Variants in ASB10 observed in about 807,000 individuals in gnomAD.
ASB10 encodes the protein ankyrin repeat and SOCS box containing 10.
Under a neutral mutation model 35.4 loss-of-function variants are expected in ASB10, and 44 were observed. That is an observed-to-expected ratio of 1.24 (90% CI 0.98 to 1.60). The LOEUF (loss-of-function observed/expected upper bound fraction) is 1.60. Ranked by LOEUF, ASB10 falls within the 40% of genes most tolerant of loss-of-function variation. The pLI is 0.00. For synonymous variants in ASB10, 294 were observed against 280.4 expected (o/e 1.05, Z -0.49); for missense variants, 647 against 634.3 (o/e 1.02, Z -0.22).
chr7:151,186,459 C>A lies in ASB10; in HGVS notation c.517G>T (p.Asp173Tyr). Reference sequence around the variant, plus strand: ...CCATCCTGGTCAGCGATGTTGGGGTCGGCTCCTGCCACCAGCAGCACATGA... The same window carrying A: ...CCATCCTGGTCAGCGATGTTGGGGTAGGCTCCTGCCACCAGCAGCACATGA... ...CVHVLLVAGA[D>Y]PNIADQDGKR... is the part of the protein sequence containing the mutation. The change falls in exon 2 of 6, where the codon GAC becomes TAC. Residue 173 changes from aspartate to tyrosine, a missense_variant. Coordinates refer to ENST00000420175, the MANE Select transcript of ASB10 (RefSeq NM_001142459.2). 2 of 1,593,074 alleles carry A rather than the reference C, an allele frequency of 1.3e-6. No individual in the cohort carries two copies. Among genetic ancestry groups the A allele is most frequent in the Non-Finnish European group, 1.7e-6 (2 of 1,170,176 alleles).
Position 151,175,982 on chromosome 7 carries a change from TG to T in ASB10, c.*1-17del. 1 of 1,179,644 alleles carries T rather than the reference TG, an allele frequency of 8.5e-7. No homozygotes were observed. 73.1% of individuals were successfully genotyped at this position (1,179,644 alleles called of 1,614,324 possible). On this transcript the variant is annotated splice_polypyrimidine_tract_variant and intron_variant, in intron 5 of 5. Transcript: ENST00000420175. ...CCATGGACATCTGGAAGGAGAGGTT[TG>T]GATTCAGAGGCTTCTGGTGGTTCGG...
chr7:151,187,444 C>G (rs1363770711), upstream of ASB10: 1 of 1,551,104 alleles, frequency 6.4e-7, no homozygotes, highest in African/African-American at 1.4e-5. This position sits in a 1 kb window ranked among gnomAD's most constrained non-coding sequence, Gnocchi z 5.3. Flanking sequence ...CCCCCAGATG[C>G]CCCTCACCCC....
chr7:151,187,322 T>C, upstream of ASB10: 3 of 1,516,960 alleles, frequency 2.0e-6, no homozygotes, highest in Non-Finnish European at 2.7e-6. The surrounding 1 kb of genome is among the most constrained non-coding windows in gnomAD (Gnocchi z 5.3). Context: ...AGGTGTAGGC[T>C]ATTGGGCAAG....
chr7:151,178,664 C>T (rs1445923313), intron 3 of ASB10, among the ~76,000 whole-genome samples: 1 of 152,210 alleles, frequency 6.6e-6, no homozygotes, highest in African/African-American at 2.4e-5. Context: ...AGAGGAGACC[C>T]TTCTGTCTGT....
At chr7:151,184,576 C>T (rs1801552518) in intron 2 of ASB10, among the ~76,000 whole-genome samples, 1 of 152,012 alleles carries the variant, frequency 6.6e-6, no homozygotes, top group Non-Finnish European at 1.5e-5. Flanking sequence ...ATAGTGATTG[C>T]CAGGGGCTTG....
At position 151,177,974 on chromosome 7, in the gene ASB10, G is replaced by A. The variant is rs1003106585; in HGVS notation, c.1105-1298C>T. Among the ~76,000 whole-genome samples, 60 of 152,230 alleles carry A rather than the reference G, an allele frequency of 3.9e-4. 1 individual carries two copies. Among genetic ancestry groups the A allele is most frequent in the African/African-American group, 1.3e-3 (53 of 41,472 alleles). On this transcript the variant is annotated intron_variant, in intron 3 of 5. Coordinates refer to ENST00000420175, the MANE Select transcript of ASB10 (RefSeq NM_001142459.2). Reference sequence around the variant, plus strand: ...AATGAAAAATAAGAAGGAGCCGGGCGTGGCGGCTCATGCCTGTAATCCCAG... The same window carrying A: ...AATGAAAAATAAGAAGGAGCCGGGCATGGCGGCTCATGCCTGTAATCCCAG...
chr7:151,176,327 G>C, intron 4 of ASB10, 30 bp from the exon 5 acceptor site: 1 of 1,524,308 alleles, frequency 6.6e-7, no homozygotes, highest in African/African-American at 1.4e-5. Context: ...CTCAGTGAGA[G>C]GCAGCCTCAG....
chr7:151,181,245 G>A lies in ASB10; in HGVS notation c.798C>T (p.Ala266=), dbSNP rs61743170. The part of the protein sequence containing the change: ...CDVRCQSITD[A]EATTARCLQL... ...GCAGGCAGCGGGCGGTGGTGGCCTC[G>A]GCATCGGTGATGGACTGGCAGCGGA... Residue 266 remains alanine, a synonymous_variant, in exon 3 of 6, where the codon GCC becomes GCT. Coordinates refer to ENST00000420175, the MANE Select transcript of ASB10 (RefSeq NM_001142459.2). 0.055 allele frequency: 88,896 copies of A among 1,613,038 alleles called. 2,979 individuals are homozygous for A. Among genetic ancestry groups the A allele is most frequent in the African/African-American group, 0.15 (11,014 of 75,016 alleles).
At chr7:151,184,833 T>C (rs1801557440) in intron 2 of ASB10, among the ~76,000 whole-genome samples, 1 of 151,974 alleles carries the variant, frequency 6.6e-6, no homozygotes, top group Non-Finnish European at 1.5e-5. Flanking sequence ...CCATCCTGGC[T>C]AACACTGTGA....
chr7:151,184,376 G>T (rs1801548692), intron 2 of ASB10, among the ~76,000 whole-genome samples: 2 of 150,502 alleles, frequency 1.3e-5, no homozygotes, highest in South Asian at 4.2e-4. Context: ...TCACGCCACT[G>T]CACTCCAGCC....
intron 2 of ASB10, among the ~76,000 whole-genome samples, chr7:151,183,500 C>G (rs1031289421): frequency 1.1e-4 from 17 of 152,224 alleles, no homozygotes; most frequent in African/African-American, 3.6e-4. Flanking sequence ...CTCCGCCTCA[C>G]AGGCTCAAAT....
chr7:151,186,643 T>G lies in ASB10; in HGVS notation c.333A>C (p.Thr111=), dbSNP rs1305004862. ...GTGGGGTGGTCAGCTCCTCTTCGTATGTCAGAGACCAGAGTCCTAGGGAGG... is the reference window on the plus strand; with the variant it reads ...GTGGGGTGGTCAGCTCCTCTTCGTAGGTCAGAGACCAGAGTCCTAGGGAGG... The part of the protein sequence containing the change: ...NIRALRLWSL[T]YEEELTTPLH... Residue 111 remains threonine (T), a synonymous_variant, in exon 2 of 6, where the codon ACA becomes ACC. Transcript: ENST00000420175. The G allele has an allele frequency of 6.2e-7, 1 of 1,610,500 alleles. No homozygotes were observed. Among genetic ancestry groups the G allele is most frequent in the South Asian group, 1.1e-5 (1 of 90,730 alleles).
chr7:151,180,455 T>C (rs1331284451), intron 3 of ASB10, among the ~76,000 whole-genome samples: 1 of 152,174 alleles, frequency 6.6e-6, no homozygotes, highest in Non-Finnish European at 1.5e-5. Context: ...AGGCTCACCC[T>C]CTTCCCTTGG....
chr7:151,178,404 C>T (rs1157658216), intron 3 of ASB10, among the ~76,000 whole-genome samples: 1 of 152,206 alleles, frequency 6.6e-6, no homozygotes, highest in Non-Finnish European at 1.5e-5. Flanking sequence ...TCCACGTGGT[C>T]AGAAAAGTGG....
chr7:151,186,946 A>G lies in ASB10; in HGVS notation c.185T>C (p.Val62Ala). 6.2e-7 allele frequency: 1 copy of G among 1,613,746 alleles called. No individual in the cohort carries two copies. The highest frequency in any genetic ancestry group is 8.5e-7 in the Non-Finnish European group (1 of 1,180,008). ...SGPALAFWQA[V>A]LAGDVGCVSR... ...GACACAGCCCACGTCCCCAGCCAGC[A>G]CTGCCTGCCAGAAGGCAAGGGCAGG... The change falls in exon 1 of 6, where the codon GTG becomes GCG. Residue 62 changes from valine (V) to alanine (A), a missense_variant. Val to Ala is a moderately conservative substitution (Grantham distance 64, BLOSUM62 0). Transcript: ENST00000420175.
At chr7:151,182,658 A>G (rs1218120555) in intron 2 of ASB10, among the ~76,000 whole-genome samples, 3 of 152,232 alleles carry the variant, frequency 2.0e-5, no homozygotes, top group African/African-American at 7.2e-5. Context: ...ACAGGGAGTC[A>G]CAGCAACGTG....
Position 151,180,981 on chromosome 7 carries a change from G to T in ASB10, c.1062C>A (p.Leu354=). The part of the protein sequence containing the change: ...QSPEHVVRAL[L]NHGAVRVWPG... ...GCCAGACACGGACGGCGCCATGGTT[G>T]AGCAGAGCCCGAACCACGTGCTCGG... The change falls in exon 3 of 6, where the codon CTC becomes CTA. Residue 354 remains leucine (L), a synonymous_variant. Coordinates refer to ENST00000420175, the MANE Select transcript of ASB10 (RefSeq NM_001142459.2). 1 of 1,587,262 alleles carries T rather than the reference G, an allele frequency of 6.3e-7. No homozygotes were observed. The highest frequency in any genetic ancestry group is 2.3e-5 in the East Asian group (1 of 44,244).
chr7:151,183,571 C>T (rs1452458143), intron 2 of ASB10, among the ~76,000 whole-genome samples: 2 of 152,176 alleles, frequency 1.3e-5, no homozygotes, highest in African/African-American at 4.8e-5. Context: ...CCATGCCTGG[C>T]TAATTTTTGT....
chr7:151,184,401 A>G (rs1282190403), intron 2 of ASB10, among the ~76,000 whole-genome samples: 2 of 50,154 alleles, frequency 4.0e-5, no homozygotes, highest in South Asian at 4.0e-4. Flanking sequence ...CGACAGAGTA[A>G]AAAAAAAAAA....
Sources: gnomAD v4.1 joint callset for allele counts (sites outside exome capture counted in the v4.1 genomes callset) on GRCh38, gnomAD v4.1.1 for gene constraint, Gnocchi (gnomAD v3.1) non-coding constraint, MANE v1.5 for transcripts, NCBI Gene and HGNC (gene_info 2026-07-23, HGNC 2026-07-21) for gene names.